The following NUBPL variants were observed in gnomAD, a reference collection of about 807,000 sequenced individuals.
NUBPL encodes iron-sulfur cluster transfer protein NUBPL.
NUBPL carries 31 observed loss-of-function variants against 45.7 expected under a neutral mutation model. That is an observed-to-expected ratio of 0.68 (90% confidence interval 0.51 to 0.92). NUBPL has a LOEUF of 0.92. Among genes scored for constraint, NUBPL ranks in the 40% least tolerant of loss-of-function variants. The pLI, the probability that NUBPL is intolerant of heterozygous loss-of-function variation, is 0.00. For synonymous variants in NUBPL, 144 were observed against 140.9 expected (o/e 1.02, Z -0.15); for missense variants, 401 against 398.7 (o/e 1.01, Z -0.05).
chr14:31,651,805 A>T (rs1244792274), intron 4 of NUBPL, among the ~76,000 whole-genome samples: 1 of 151,616 alleles, frequency 6.6e-6, no homozygotes, highest in Non-Finnish European at 1.5e-5. Flanking sequence ...AGGCTGAGGT[A>T]GGAGAATGGC....
chr14:31,678,764 G>T (rs1336665365), intron 6 of NUBPL, among the ~76,000 whole-genome samples: 1 of 152,096 alleles, frequency 6.6e-6, no homozygotes. Flanking sequence ...GGGGAGTGTT[G>T]GTGCATGCAC....
In NUBPL at chr14:31,786,126, C is replaced by A. The variant is rs537034902; in HGVS notation, c.514-1654C>A. Among the ~76,000 whole-genome samples, 220 of 152,060 alleles carry A rather than the reference C, an allele frequency of 1.4e-3. 1 individual carries two copies. Among genetic ancestry groups the A allele is most frequent in the Middle Eastern group, 3.4e-3 (1 of 294 alleles). Reference sequence around the variant, plus strand: ...TGAGCTGTGAGCATGCCACTGCATTCCAGCCTGGGTGATAGAGCGAGACCC... The same window carrying A: ...TGAGCTGTGAGCATGCCACTGCATTACAGCCTGGGTGATAGAGCGAGACCC... On this transcript the variant is annotated intron_variant, in intron 6 of 10. Coordinates refer to ENST00000281081, the MANE Select transcript of NUBPL (RefSeq NM_025152.3).
At chr14:31,749,577 C>T (rs1265991621) in intron 6 of NUBPL, among the ~76,000 whole-genome samples, 1 of 152,150 alleles carries the variant, frequency 6.6e-6, no homozygotes, top group Non-Finnish European at 1.5e-5. Flanking sequence ...GGTTTAATGA[C>T]AATTTCCTTA....
chr14:31,823,689 G>T (rs2040053927), intron 7 of NUBPL, among the ~76,000 whole-genome samples: 1 of 152,068 alleles, frequency 6.6e-6, no homozygotes, highest in South Asian at 2.1e-4. Flanking sequence ...GCAGGCATTA[G>T]TTTTACAGTT....
chr14:31,787,478 A>C (rs1308693971), intron 6 of NUBPL, among the ~76,000 whole-genome samples: 1 of 152,234 alleles, frequency 6.6e-6, no homozygotes, highest in Non-Finnish European at 1.5e-5. Flanking sequence ...GGCTACACCC[A>C]GTAAAAATAA....
At chr14:31,749,245 G>A (rs1256030592) in intron 6 of NUBPL, among the ~76,000 whole-genome samples, 1 of 152,114 alleles carries the variant, frequency 6.6e-6, no homozygotes, top group African/African-American at 2.4e-5. Context: ...GTTGATGTCT[G>A]TAGTGATAAG....
rs565965206 is a variant in NUBPL, at chr14:31,624,909, C to T, written c.382+25530C>T. The stretch of plus-strand genomic sequence containing the variant: ...TGTCAAATCTTGGGGATGCTACTGA[C>T]ATCTTATAGGTGGAGGCCAGAGATG... On this transcript the variant is annotated intron_variant, in intron 4 of 10. Coordinates refer to ENST00000281081, the MANE Select transcript of NUBPL (RefSeq NM_025152.3). Among the ~76,000 whole-genome samples, 4 of 152,298 alleles carry T rather than the reference C, an allele frequency of 2.6e-5. No homozygotes were observed. In the South Asian group the frequency reaches 8.3e-4, roughly 32 times the overall value.
intron 6 of NUBPL, among the ~76,000 whole-genome samples, chr14:31,735,416 C>A (rs1254809600): frequency 6.6e-6 from 1 of 152,104 alleles, no homozygotes; most frequent in African/African-American, 2.4e-5. Flanking sequence ...CATACACAGA[C>A]TAAACATATG....
At chr14:31,826,541 C>G in intron 7 of NUBPL, 88 bp from the exon 8 acceptor site, 1 of 1,079,622 alleles carries the variant, frequency 9.3e-7, no homozygotes, top group Non-Finnish European at 1.4e-6. Context: ...ACGTAATAGA[C>G]TATTTGCGTA....
At chr14:31,724,884 G>A (rs1438148689) in intron 6 of NUBPL, among the ~76,000 whole-genome samples, 1 of 152,126 alleles carries the variant, frequency 6.6e-6, no homozygotes, top group African/African-American at 2.4e-5. Flanking sequence ...AGGCTTATCT[G>A]AGAAGGTGAC....
chr14:31,683,704 A>G (rs1461064680), intron 6 of NUBPL, among the ~76,000 whole-genome samples: 2 of 151,766 alleles, frequency 1.3e-5, no homozygotes, highest in Non-Finnish European at 2.9e-5. Flanking sequence ...GTACTTTTCA[A>G]TTTTTCTTTA....
At chr14:31,757,190 T>C (rs1264069187) in intron 6 of NUBPL, among the ~76,000 whole-genome samples, 1 of 118,378 alleles carries the variant, frequency 8.4e-6, no homozygotes, top group African/African-American at 2.6e-5. Flanking sequence ...TGCCTGGCTT[T>C]GGTATCAGGA....
chr14:31,798,574 T>G (rs570860608), intron 7 of NUBPL, among the ~76,000 whole-genome samples: 4 of 151,118 alleles, frequency 2.6e-5, no homozygotes, highest in African/African-American at 9.7e-5. Flanking sequence ...GGGTGGATCA[T>G]GGGGTCGGGA....
At chr14:31,802,010 C>T (rs1362358001) in intron 7 of NUBPL, among the ~76,000 whole-genome samples, 1 of 152,148 alleles carries the variant, frequency 6.6e-6, no homozygotes, top group Admixed American at 6.6e-5. Context: ...TTGACTGTGT[C>T]CCACAAAAGT....
rs553508253 is a variant in NUBPL at position 31,573,779 on chromosome 14, C to G, written c.291+8731C>G. On this transcript the variant is annotated intron_variant, in intron 3 of 10. Coordinates refer to ENST00000281081, the MANE Select transcript of NUBPL (RefSeq NM_025152.3). The stretch of plus-strand genomic sequence containing the variant: ...TTATTCTTGTTCTCTATTTTCTCTG[C>G]TATGGTGCCTTGAGGAAAGGATGAA... Among the ~76,000 whole-genome samples the G allele has an allele frequency of 2.6e-5, 4 of 152,274 alleles. No homozygotes were observed. In the East Asian group the frequency reaches 7.7e-4, roughly 29 times the overall value.
At chr14:31,603,189 A>G (rs554782716) in intron 4 of NUBPL, among the ~76,000 whole-genome samples, 23 of 151,130 alleles carry the variant, frequency 1.5e-4, no homozygotes, top group African/African-American at 4.9e-4. Flanking sequence ...AGTCCCTGAT[A>G]TTCAGGGGAC....
chr14:31,717,779 T>TA (rs61520304), intron 6 of NUBPL, among the ~76,000 whole-genome samples: 109,335 of 148,530 alleles, frequency 0.74, 45,701 homozygotes, highest in East Asian at 0.99. Flanking sequence ...GGTGTTTGTT[T>TA]AAAAAAAAAA....
At chr14:31,578,168 G>A in intron 3 of NUBPL, 1 of 446,976 alleles carries the variant, frequency 2.2e-6, no homozygotes, top group Non-Finnish European at 4.4e-6. Flanking sequence ...TTTAGGTAAG[G>A]GAGTTTATAT....
chr14:31,753,438 C>T (rs1372119752), intron 6 of NUBPL, among the ~76,000 whole-genome samples: 1 of 152,112 alleles, frequency 6.6e-6, no homozygotes, highest in Non-Finnish European at 1.5e-5. Context: ...TGCTAGACCA[C>T]CGGGAGTATA....
Sources: allele counts gnomAD v4.1 joint callset (sites outside exome capture counted in the v4.1 genomes callset), GRCh38; gene constraint gnomAD v4.1.1; transcripts MANE v1.5; gene names NCBI Gene and HGNC (gene_info 2026-07-23, HGNC 2026-07-21).